PTPRK: variants seen among roughly 807,000 people sequenced by gnomAD.
PTPRK encodes the protein receptor-type tyrosine-protein phosphatase kappa.
In PTPRK, 75 loss-of-function variants were observed where a neutral mutation model predicts 178.0. That is an observed-to-expected ratio of 0.42 (90% CI 0.35 to 0.51). The LOEUF is 0.51. PTPRK is among the 20% of genes least tolerant of loss of function. The probability of loss-of-function intolerance (pLI) is 0.02; values close to 1 mark genes in which losing one functional copy is unlikely to be tolerated. For missense variants in PTPRK, 1,441 were observed against 1,797.8 expected (o/e 0.80, Z 3.59); for synonymous variants, 637 against 620.6 (o/e 1.03, Z -0.39).
At chr6:127,992,947 G>A (rs910801443) in intron 18 of PTPRK, among the ~76,000 whole-genome samples, 2 of 151,546 alleles carry the variant, frequency 1.3e-5, no homozygotes, top group Admixed American at 6.6e-5. Context: ...ATTGATTTTT[G>A]TTTGCCATGG....
chr6:128,432,418 AT>A (rs1454670783), intron 1 of PTPRK, among the ~76,000 whole-genome samples: 1 of 152,170 alleles, frequency 6.6e-6, no homozygotes, highest in Non-Finnish European at 1.5e-5. Flanking sequence ...ACAAATGTAC[AT>A]TTTTCTTATT....
chr6:128,027,669 G>A (rs1004892849), intron 13 of PTPRK, among the ~76,000 whole-genome samples: 1 of 151,948 alleles, frequency 6.6e-6, no homozygotes, highest in Admixed American at 6.6e-5. Context: ...GCCATCTCAG[G>A]TTACTGCAAC....
intron 1 of PTPRK, among the ~76,000 whole-genome samples, chr6:128,481,297 T>A (rs1026474227): frequency 1.3e-5 from 2 of 152,174 alleles, no homozygotes; most frequent in African/African-American, 4.8e-5. Context: ...TTCCCTTACC[T>A]CATTGCCAAG....
At chr6:128,444,644 T>C (rs1846705326) in intron 1 of PTPRK, among the ~76,000 whole-genome samples, 2 of 152,244 alleles carry the variant, frequency 1.3e-5, no homozygotes, top group Admixed American at 6.5e-5. Context: ...TTTAGAGTAA[T>C]GAATGAGTTT....
At chr6:128,258,597 C>G (rs1562883662) in intron 3 of PTPRK, among the ~76,000 whole-genome samples, 1 of 152,156 alleles carries the variant, frequency 6.6e-6, no homozygotes, top group African/African-American at 2.4e-5. Flanking sequence ...AAACATAAAA[C>G]AAAGTTGATG....
chr6:128,419,372 G>A (rs1843196356), intron 1 of PTPRK, among the ~76,000 whole-genome samples: 2 of 152,094 alleles, frequency 1.3e-5, no homozygotes, highest in African/African-American at 4.8e-5. Context: ...CAGCACTTTG[G>A]GACACCAAGG....
At chr6:128,193,924 A>G (rs1160739968) in intron 6 of PTPRK, among the ~76,000 whole-genome samples, 1 of 151,952 alleles carries the variant, frequency 6.6e-6, no homozygotes, top group East Asian at 1.9e-4. Flanking sequence ...TTAAAAAGTA[A>G]GTTTATGTGT....
chr6:128,507,014 C>T (rs1451890487), intron 1 of PTPRK, among the ~76,000 whole-genome samples: 1 of 152,018 alleles, frequency 6.6e-6, no homozygotes, highest in Non-Finnish European at 1.5e-5. Context: ...TTTCTCAAAA[C>T]CTACATCTGG....
chr6:128,231,945 G>GCTA (rs1457121926), intron 5 of PTPRK: 1 of 152,154 alleles, frequency 6.6e-6, no homozygotes, highest in Non-Finnish European at 1.5e-5. Context: ...CCTCTCCTTT[G>GCTA]CTACTCATGG....
At chr6:128,292,975 A>G (rs1396591034) in intron 3 of PTPRK, among the ~76,000 whole-genome samples, 1 of 151,974 alleles carries the variant, frequency 6.6e-6, no homozygotes, top group African/African-American at 2.4e-5. Flanking sequence ...CCAAATAGTG[A>G]AATGGTTTGG....
At chr6:128,301,396 T>C (rs1433365053) in intron 3 of PTPRK, among the ~76,000 whole-genome samples, 1 of 152,120 alleles carries the variant, frequency 6.6e-6, no homozygotes, top group Non-Finnish European at 1.5e-5. Flanking sequence ...TAGGTAAAAG[T>C]ATGTATCACA....
chr6:128,054,759 C>T (rs1227510614), intron 13 of PTPRK, among the ~76,000 whole-genome samples: 1 of 152,208 alleles, frequency 6.6e-6, no homozygotes, highest in African/African-American at 2.4e-5. Flanking sequence ...CAGATTCATT[C>T]ATGTTTAATT....
At chr6:128,366,391 G>A (rs1835488196) in intron 2 of PTPRK, among the ~76,000 whole-genome samples, 1 of 152,058 alleles carries the variant, frequency 6.6e-6, no homozygotes, top group Non-Finnish European at 1.5e-5. Context: ...GTTGTTGTAT[G>A]TTAAAGTTTT....
At chr6:128,175,811 A>T (rs1800980705) in intron 7 of PTPRK, among the ~76,000 whole-genome samples, 1 of 151,878 alleles carries the variant, frequency 6.6e-6, no homozygotes. Flanking sequence ...CAGTCTTTAC[A>T]GAATATGGGA....
chr6:128,069,335 G>T (rs961678041), intron 11 of PTPRK, among the ~76,000 whole-genome samples: 1 of 152,048 alleles, frequency 6.6e-6, no homozygotes, highest in African/African-American at 2.4e-5. Context: ...TATATGTGCT[G>T]CATCATTCCC....
chr6:128,416,987 A>T (rs1001786070), intron 1 of PTPRK, among the ~76,000 whole-genome samples: 69 of 148,546 alleles, frequency 4.6e-4, no homozygotes, highest in African/African-American at 1.6e-3. Context: ...AATAATTATA[A>T]AATTATAATT....
intron 3 of PTPRK, among the ~76,000 whole-genome samples, chr6:128,255,037 C>G (rs575894445): frequency 5.9e-5 from 9 of 152,322 alleles, no homozygotes; most frequent in African/African-American, 2.2e-4. Context: ...ATCGCCCAGG[C>G]TGGAGTACAG....
At chr6:128,406,114 T>A (rs1015690909) in intron 1 of PTPRK, among the ~76,000 whole-genome samples, 3 of 151,430 alleles carry the variant, frequency 2.0e-5, no homozygotes, top group Non-Finnish European at 4.4e-5. Context: ...TAAAAAAAAA[T>A]TAGCCAAGCA....
rs368303337 is a variant in PTPRK at position 127,983,456 on chromosome 6, CAGAT to C, written c.3252-83_3252-80del. 11,591 of 1,457,488 alleles carry C rather than the reference CAGAT, an allele frequency of 8.0e-3. 76 individuals are homozygous for C. The highest frequency in any genetic ancestry group is 0.023 in the South Asian group (1,809 of 78,564). 90.3% of individuals were successfully genotyped at this position (1,457,488 alleles called of 1,614,324 possible). A position where few individuals can be genotyped will look rare whatever the true frequency, so the allele number is the denominator to read the frequency against. On this transcript the variant is annotated intron_variant, in intron 22 of 29. Coordinates refer to ENST00000368226, the MANE Select transcript of PTPRK (RefSeq NM_002844.4). Reference sequence around the variant, plus strand: ...CTTAAATAAGGACTTTTTCCACTGTCAGATAGGTAGAATCAAATTGATTTAACAA... The same window carrying C: ...CTTAAATAAGGACTTTTTCCACTGTCAGGTAGAATCAAATTGATTTAACAA...
Sources: allele counts gnomAD v4.1 joint callset (sites outside exome capture counted in the v4.1 genomes callset), GRCh38; gene constraint gnomAD v4.1.1; transcripts MANE v1.5; gene names NCBI Gene and HGNC (gene_info 2026-07-23, HGNC 2026-07-21).